The following ARL14EPL variants were observed in gnomAD, a reference collection of about 807,000 sequenced individuals.
The protein encoded by ARL14EPL is ARL14 effector protein-like.
In ARL14EPL, 17 loss-of-function variants were observed where a neutral mutation model predicts 15.9. The ratio of observed to expected loss-of-function variants is 1.07; its 90% CI spans 0.73 to 1.60. The LOEUF (loss-of-function observed/expected upper bound fraction) is 1.60, where lower values mean the gene tolerates loss of function less well. Among genes scored for constraint, ARL14EPL ranks in the 40% most tolerant of loss-of-function variants. The pLI, the probability that ARL14EPL is intolerant of heterozygous loss-of-function variation, is 0.00. For missense variants in ARL14EPL, 214 were observed against 185.9 expected (o/e 1.15, Z -0.88); for synonymous variants, 78 against 63.8 (o/e 1.22, Z -1.06).
At chr5:116,034,418 T>C (rs1377812583) in intron 1 of ARL14EPL, among the ~76,000 whole-genome samples, 1 of 152,194 alleles carries the variant, frequency 6.6e-6, no homozygotes. Flanking sequence ...GTGGCCTCAG[T>C]ATTTATGAAC....
chr5:116,033,002 T>C (rs1002325759), intron 1 of ARL14EPL, among the ~76,000 whole-genome samples: 3 of 152,174 alleles, frequency 2.0e-5, no homozygotes, highest in African/African-American at 4.8e-5. Flanking sequence ...TTTCACCATG[T>C]TGCCTGGGCT....
At chr5:116,047,085 A>G (rs1749282765) in intron 1 of ARL14EPL, among the ~76,000 whole-genome samples, 1 of 152,218 alleles carries the variant, frequency 6.6e-6, no homozygotes, top group Admixed American at 6.5e-5. Context: ...CCCAGCCTCT[A>G]GAGATACGAG....
intron 2 of ARL14EPL, chr5:116,052,206 C>T (rs1393997026): frequency 6.2e-7 from 1 of 1,607,092 alleles, no homozygotes; most frequent in Non-Finnish European, 8.5e-7. Context: ...TTGGCCTTGC[C>T]CCCGGATTTG....
At position 116,059,298 on chromosome 5, in the gene ARL14EPL, GC is replaced by G; in HGVS notation, c.*352del. On this transcript the variant is annotated 3_prime_UTR_variant, in exon 4 of 4. Coordinates refer to ENST00000686077, the MANE Select transcript of ARL14EPL (RefSeq NM_001195581.2). ...GATTTTCAAAACTCTGTAGTTGAGA[GC>G]TTTTCTTACATAGAACATAGAATCT... The G allele has an allele frequency of 4.4e-6, 1 of 225,070 alleles. No individual in the cohort carries two copies. The highest frequency in any genetic ancestry group is 7.1e-5 in the South Asian group (1 of 14,054). 13.9% of individuals were successfully genotyped at this position (225,070 alleles called of 1,614,324 possible).
intron 1 of ARL14EPL, among the ~76,000 whole-genome samples, chr5:116,048,541 C>T (rs1028299082): frequency 7.2e-5 from 11 of 151,892 alleles, no homozygotes; most frequent in East Asian, 1.9e-4. Flanking sequence ...TACTGAAATA[C>T]GCTTATCATA....
chr5:116,044,457 GAA>G (rs1324146233), intron 1 of ARL14EPL, among the ~76,000 whole-genome samples: 4 of 148,352 alleles, frequency 2.7e-5, no homozygotes, highest in African/African-American at 9.8e-5. Flanking sequence ...TAACACTGAA[GAA>G]AAACATTATA....
At chr5:116,043,073 A>G (rs986790384) in intron 1 of ARL14EPL, among the ~76,000 whole-genome samples, 1 of 152,082 alleles carries the variant, frequency 6.6e-6, no homozygotes, top group Non-Finnish European at 1.5e-5. Flanking sequence ...TCACAGCTAT[A>G]AACAGTGCTG....
At chr5:116,044,531 A>G (rs559136823) in intron 1 of ARL14EPL, among the ~76,000 whole-genome samples, 1 of 152,234 alleles carries the variant, frequency 6.6e-6, no homozygotes, top group Non-Finnish European at 1.5e-5. Context: ...ATGTAGTGCT[A>G]TTAGTGCTAT....
chr5:116,042,465 C>T (rs528230491), intron 1 of ARL14EPL, among the ~76,000 whole-genome samples: 22 of 152,286 alleles, frequency 1.4e-4, no homozygotes, highest in Middle Eastern at 6.8e-3. Flanking sequence ...TCTGGACCCC[C>T]ATGATGACTC....
At chr5:116,033,432 G>C (rs2662454) in intron 1 of ARL14EPL, among the ~76,000 whole-genome samples, 49,099 of 152,034 alleles carry the variant, frequency 0.32, 8,446 homozygotes, top group East Asian at 0.42. Flanking sequence ...ATTTGAGGTA[G>C]ACTATGCTAA....
chr5:116,043,318 G>A lies in ARL14EPL; in HGVS notation c.-9-8139G>A, dbSNP rs534506847. Among the ~76,000 whole-genome samples the A allele has an allele frequency of 2.6e-5, 4 of 152,104 alleles. No individual in the cohort carries two copies. The South Asian group carries it at 8.3e-4, about 32-fold the overall frequency. On this transcript the variant is annotated intron_variant, in intron 1 of 3. Coordinates refer to ENST00000686077, the MANE Select transcript of ARL14EPL (RefSeq NM_001195581.2). Reference sequence around the variant, plus strand: ...TGAGAACTAAAGGGTAAACTAAGGAGTGCTTTAGTATGTGAATCCTTCATT... The same window carrying A: ...TGAGAACTAAAGGGTAAACTAAGGAATGCTTTAGTATGTGAATCCTTCATT...
intron 3 of ARL14EPL, among the ~76,000 whole-genome samples, chr5:116,056,410 A>AT (rs1749518990): frequency 6.6e-6 from 1 of 152,112 alleles, no homozygotes; most frequent in Admixed American, 6.5e-5. Context: ...GATAATGAGC[A>AT]TTTTTCATGT....
chr5:116,052,353 G>A (rs1749406160), intron 2 of ARL14EPL: 6 of 851,522 alleles, frequency 7.0e-6, no homozygotes, highest in African/African-American at 1.7e-5. Flanking sequence ...AGCTACAAAT[G>A]TTTTTATTTA....
At chr5:116,053,490 G>T (rs566126685) in intron 2 of ARL14EPL, among the ~76,000 whole-genome samples, 1 of 152,288 alleles carries the variant, frequency 6.6e-6, no homozygotes, top group Admixed American at 6.5e-5. Context: ...CCTTCAGGTG[G>T]CTGAGTTCTG....
rs1026699974 is a variant in ARL14EPL, at chr5:116,054,241, T to C, written c.236+88T>C. The C allele has an allele frequency of 8.4e-6, 11 of 1,302,102 alleles. No individual in the cohort carries two copies. In the Admixed American group the frequency reaches 2.2e-4, roughly 26 times the overall value. 80.7% of individuals were successfully genotyped at this position (1,302,102 alleles called of 1,614,324 possible). On this transcript the variant is annotated intron_variant, in intron 3 of 3. Coordinates refer to ENST00000686077, the MANE Select transcript of ARL14EPL (RefSeq NM_001195581.2). The stretch of plus-strand genomic sequence containing the variant: ...AAAGCAATGAAAGATTCCCTCTTTT[T>C]ATTATTTATTATTTAAAAATATCTC...
Position 116,059,242 on chromosome 5 carries a change from T to C in ARL14EPL, c.*295T>C, listed in dbSNP as rs565137026. Reference sequence around the variant, plus strand: ...CTTCAAATTAAAACTCTCTTCCCTCTTTGCTGATATCTGAGAAAATGTAGC... The same window carrying C: ...CTTCAAATTAAAACTCTCTTCCCTCCTTGCTGATATCTGAGAAAATGTAGC... On this transcript the variant is annotated 3_prime_UTR_variant, in exon 4 of 4. Coordinates refer to ENST00000686077, the MANE Select transcript of ARL14EPL (RefSeq NM_001195581.2). The C allele has an allele frequency of 3.3e-6, 1 of 300,330 alleles. No homozygotes were observed. Among genetic ancestry groups the C allele is most frequent in the African/African-American group, 2.1e-5 (1 of 47,022 alleles). 18.6% of individuals were successfully genotyped at this position (300,330 alleles called of 1,614,324 possible).
intron 1 of ARL14EPL, among the ~76,000 whole-genome samples, chr5:116,050,408 C>T (rs1314024744): frequency 6.6e-6 from 1 of 152,196 alleles, no homozygotes; most frequent in Admixed American, 6.5e-5. Flanking sequence ...ATCCATGTTG[C>T]TGCAAAAGAG....
chr5:116,056,591 G>A (rs1749523001), intron 3 of ARL14EPL, among the ~76,000 whole-genome samples: 1 of 152,098 alleles, frequency 6.6e-6, no homozygotes, highest in Non-Finnish European at 1.5e-5. Flanking sequence ...CTCCCATTCT[G>A]TAGGTTGCCT....
At chr5:116,043,738 A>C (rs761775234) in intron 1 of ARL14EPL, among the ~76,000 whole-genome samples, 1 of 152,194 alleles carries the variant, frequency 6.6e-6, no homozygotes, top group African/African-American at 2.4e-5. Flanking sequence ...TAATTTTAAA[A>C]AAACCTCTCA....
Sources: allele counts gnomAD v4.1 joint callset (sites outside exome capture counted in the v4.1 genomes callset), GRCh38; gene constraint gnomAD v4.1.1; transcripts MANE v1.5; gene names NCBI Gene and HGNC (gene_info 2026-07-23, HGNC 2026-07-21).